The following CUX2 variants were observed in gnomAD, a reference collection of about 807,000 sequenced individuals.
The protein encoded by CUX2 is homeobox protein cut-like 2.
CUX2 carries 40 observed loss-of-function variants against 144.8 expected under a neutral mutation model. That is an observed-to-expected ratio of 0.28 (90% CI 0.21 to 0.36). The LOEUF is 0.36. CUX2 is among the 10% of genes least tolerant of loss of function. CUX2 has a pLI of 1.00. For missense variants in CUX2, 1,615 were observed against 1,994.0 expected (o/e 0.81, Z 3.62); for synonymous variants, 827 against 875.6 (o/e 0.94, Z 0.98).
At position 111,112,330 on chromosome 12, in the gene CUX2, G is replaced by A. The variant is rs575145862; in HGVS notation, c.63+78090G>A. 5.3e-5 allele frequency among the ~76,000 whole-genome samples: 8 copies of A among 152,318 alleles called. No individual in the cohort carries two copies. The South Asian group carries it at 1.0e-3, about 20-fold the overall frequency. On this transcript the variant is annotated intron_variant, in intron 1 of 21. Transcript: ENST00000261726. ...ATTTGCCTCATATTGCAAAGAAGCC[G>A]AACCTGGGTTTGACTGGTGGAAGCA... is the stretch of plus-strand genomic sequence containing the variant.
intron 1 of CUX2, among the ~76,000 whole-genome samples, chr12:111,150,126 A>G (rs10849927): frequency 0.17 from 26,399 of 152,220 alleles, 2,755 homozygotes; most frequent in East Asian, 0.54. Context: ...GTCCACTGCT[A>G]CATTCCCAGC....
At chr12:111,153,317 A>G (rs1877173956) in intron 1 of CUX2, among the ~76,000 whole-genome samples, 1 of 152,248 alleles carries the variant, frequency 6.6e-6, no homozygotes, top group African/African-American at 2.4e-5. Context: ...GGCGACCAAG[A>G]CAGATTTACA....
At chr12:111,325,182 T>C (rs1238223005) in intron 18 of CUX2, among the ~76,000 whole-genome samples, 15 of 151,310 alleles carry the variant, frequency 9.9e-5, no homozygotes, top group Non-Finnish European at 1.6e-4. Context: ...TAGTCCCAGC[T>C]ACTCAGGAGG....
intron 1 of CUX2, among the ~76,000 whole-genome samples, chr12:111,194,663 G>T (rs1592825721): frequency 6.6e-6 from 1 of 152,324 alleles, no homozygotes; most frequent in Middle Eastern, 3.4e-3. Context: ...CACCTCGTGG[G>T]CCCCTGCCCT....
At chr12:111,206,664 A>G (rs557764662) in intron 1 of CUX2, among the ~76,000 whole-genome samples, 2 of 152,314 alleles carry the variant, frequency 1.3e-5, no homozygotes, top group Non-Finnish European at 2.9e-5. Context: ...TGGGCCAGTG[A>G]TTAGTTGGAT....
In CUX2 at chr12:111,296,556, G is replaced by A. The variant is rs774883148; in HGVS notation, c.704+17G>A. ...AGCATCCAAGTAAGTGAGCCCTGCT[G>A]AGGTGTACCTCCTCCCTTGGAGGCC... On this transcript the variant is annotated intron_variant, in intron 8 of 21. Coordinates refer to ENST00000261726, the MANE Select transcript of CUX2 (RefSeq NM_015267.4). 4 of 1,605,970 alleles carry A rather than the reference G, an allele frequency of 2.5e-6. No individual in the cohort carries two copies. The highest frequency in any genetic ancestry group is 1.7e-4 in the Middle Eastern group (1 of 5,958).
At chr12:111,102,612 C>T (rs1047261401) in intron 1 of CUX2, among the ~76,000 whole-genome samples, 3 of 152,204 alleles carry the variant, frequency 2.0e-5, no homozygotes, top group Non-Finnish European at 2.9e-5. Context: ...TGCATGATCT[C>T]GTCTAGTCTT....
At chr12:111,067,820 C>CAGA (rs1871084886) in intron 1 of CUX2, among the ~76,000 whole-genome samples, 1 of 152,110 alleles carries the variant, frequency 6.6e-6, no homozygotes. Context: ...CAGGCCTGGG[C>CAGA]AGAACTCCAC....
chr12:111,160,192 A>G lies in CUX2; in HGVS notation c.64-54008A>G, dbSNP rs907515723. Among the ~76,000 whole-genome samples, 1 of 152,212 alleles carries G rather than the reference A, an allele frequency of 6.6e-6. No homozygotes were observed. The highest frequency in any genetic ancestry group is 1.9e-4 in the East Asian group (1 of 5,196). On this transcript the variant is annotated intron_variant, in intron 1 of 21. Coordinates refer to ENST00000261726, the MANE Select transcript of CUX2 (RefSeq NM_015267.4). The surrounding 1 kb of genome is among the most constrained non-coding windows in gnomAD (Gnocchi z 4.1). ...CAGCATAGGACGGGGCTAGGGGGAC[A>G]TTTGCTAAGCATGTCAACAAGTTGT...
At chr12:111,345,994 A>G (rs1400727827) in intron 21 of CUX2, among the ~76,000 whole-genome samples, 1 of 150,438 alleles carries the variant, frequency 6.6e-6, no homozygotes, top group East Asian at 2.0e-4. Context: ...AGTCCCAGCT[A>G]CTCAGGAGGC....
At chr12:111,074,174 C>A (rs751833547) in intron 1 of CUX2, among the ~76,000 whole-genome samples, 1 of 151,970 alleles carries the variant, frequency 6.6e-6, no homozygotes, top group Non-Finnish European at 1.5e-5. Flanking sequence ...CTGAACACTG[C>A]AGTGAATAAC....
Position 111,289,686 on chromosome 12 carries a change from G to T in CUX2, c.302-1732G>T, listed in dbSNP as rs1364925701. Among the ~76,000 whole-genome samples the T allele has an allele frequency of 5.3e-5, 8 of 152,128 alleles. No individual in the cohort carries two copies. Among genetic ancestry groups the T allele is most frequent in the Admixed American group, 5.2e-4 (8 of 15,268 alleles). ...ACCTGCACGTTCCTCACCTTTGAGT[G>T]ATTGGGGAATTGGTGGACATCTTAC... On this transcript the variant is annotated intron_variant, in intron 4 of 21. Transcript: ENST00000261726. The surrounding 1 kb of genome is among the most constrained non-coding windows in gnomAD (Gnocchi z 4.1).
rs35222521 is a variant in CUX2 at position 111,294,585 on chromosome 12, C to CA, written c.561-730dup. Among the ~76,000 whole-genome samples the CA allele has an allele frequency of 5.0e-3, 500 of 99,866 alleles. 3 individuals carry two copies. Among genetic ancestry groups the CA allele is most frequent in the Admixed American group, 6.1e-3 (56 of 9,214 alleles). The allele number at this position is 99,866 out of a possible 152,430, so 65.5% of individuals were successfully genotyped here. On this transcript the variant is annotated intron_variant, in intron 6 of 21. Transcript: ENST00000261726. ...GCAACAGAGCAAGACCCTATCTTTT[C>CA]AAAAAAAAAAAAAAAAAAGAAAGAA...
At chr12:111,335,888 A>T (rs1213552270) in intron 19 of CUX2, among the ~76,000 whole-genome samples, 3 of 151,966 alleles carry the variant, frequency 2.0e-5, no homozygotes, top group Admixed American at 6.6e-5. Context: ...CCTGGACGAC[A>T]GAGGAAGACC....
chr12:111,115,524 A>T (rs1874244552), intron 1 of CUX2, among the ~76,000 whole-genome samples: 1 of 152,054 alleles, frequency 6.6e-6, no homozygotes, highest in African/African-American at 2.4e-5. Flanking sequence ...TGACCTCGTC[A>T]TCTGCCCACC....
At chr12:111,047,352 AT>A (rs138453618) in intron 1 of CUX2, among the ~76,000 whole-genome samples, 12 of 150,502 alleles carry the variant, frequency 8.0e-5, no homozygotes, top group South Asian at 2.1e-4. Context: ...AGTTTTTTAG[AT>A]TTTTTTTTTA....
intron 1 of CUX2, among the ~76,000 whole-genome samples, chr12:111,044,391 C>G (rs550971939): frequency 1.3e-5 from 2 of 151,720 alleles, no homozygotes; most frequent in Non-Finnish European, 2.9e-5. Context: ...CCCTGTCATT[C>G]TCCCCCTCTT....
rs1869345456 is a variant in CUX2 at position 111,034,863 on chromosome 12, C to T, written c.63+623C>T. ...CCCGGACGCGCCGCCACCCGGGGGC[C>T]GCCGCCGCCGCCGCCAGAGCCGCCG... On this transcript the variant is annotated intron_variant, in intron 1 of 21. Transcript: ENST00000261726. The surrounding 1 kb of genome is among the most constrained non-coding windows in gnomAD (Gnocchi z 4.2). Among the ~76,000 whole-genome samples the T allele has an allele frequency of 6.7e-6, 1 of 148,772 alleles. No homozygotes were observed. The highest frequency in any genetic ancestry group is 1.5e-5 in the Non-Finnish European group (1 of 66,858).
chr12:111,259,322 C>T (rs143195894), intron 3 of CUX2, among the ~76,000 whole-genome samples: 12 of 152,110 alleles, frequency 7.9e-5, no homozygotes, highest in East Asian at 1.9e-4. Flanking sequence ...TTTAGTCTCG[C>T]GGGCCACAAA....
Sources: gnomAD v4.1 joint callset for allele counts (sites outside exome capture counted in the v4.1 genomes callset) on GRCh38, gnomAD v4.1.1 for gene constraint, Gnocchi (gnomAD v3.1) non-coding constraint, MANE v1.5 for transcripts, NCBI Gene and HGNC (gene_info 2026-07-23, HGNC 2026-07-21) for gene names.